Variants in PGR observed in about 807,000 individuals in gnomAD.
The protein encoded by PGR is nuclear receptor subfamily 3 group C member 3.
PGR carries 25 observed loss-of-function variants against 76.1 expected under a neutral mutation model. The observed-to-expected ratio is 0.33, with a 90% confidence interval of 0.24 to 0.46. The LOEUF (loss-of-function observed/expected upper bound fraction) is 0.46, where lower values mean the gene tolerates loss of function less well. Ranked by LOEUF, PGR falls within the 20% of genes least tolerant of loss-of-function variation. The pLI is 1.00. For missense variants in PGR, 1,172 were observed against 1,225.3 expected, an observed-to-expected ratio of 0.96 and a Z score of 0.65; for synonymous variants, 579 against 535.0, an observed-to-expected ratio of 1.08 and a Z score of -1.14.
At chr11:101,054,564 T>C (rs1224644058) in intron 4 of PGR, among the ~76,000 whole-genome samples, 1 of 152,180 alleles carries the variant, frequency 6.6e-6, no homozygotes, top group Non-Finnish European at 1.5e-5. Context: ...GTCTTAATTT[T>C]TGAAAAGGAA....
At chr11:101,049,471 T>C (rs1860015507) in intron 6 of PGR, among the ~76,000 whole-genome samples, 1 of 152,158 alleles carries the variant, frequency 6.6e-6, no homozygotes, top group African/African-American at 2.4e-5. Flanking sequence ...GGCAGCACAG[T>C]AGGTTTGTTT....
intron 3 of PGR, among the ~76,000 whole-genome samples, chr11:101,089,951 C>T (rs1270474293): frequency 6.6e-6 from 1 of 152,178 alleles, no homozygotes; most frequent in Non-Finnish European, 1.5e-5. Context: ...GTAATCCCAG[C>T]ACTTTAGAAG....
intron 6 of PGR, 61 bp downstream of exon 6, chr11:101,049,868 C>T: frequency 6.9e-7 from 1 of 1,440,700 alleles, no homozygotes; most frequent in Non-Finnish European, 9.7e-7. Context: ...ATATTGTTTG[C>T]AACTTTTCTA....
chr11:101,113,281 TC>T (rs113021873), intron 2 of PGR, among the ~76,000 whole-genome samples: 24 of 150,926 alleles, frequency 1.6e-4, no homozygotes, highest in South Asian at 2.1e-4. Context: ...TTTTTTTTTT[TC>T]CCAGAGTCTT....
At chr11:101,107,771 T>C (rs1862210569) in intron 2 of PGR, among the ~76,000 whole-genome samples, 1 of 151,388 alleles carries the variant, frequency 6.6e-6, no homozygotes, top group Non-Finnish European at 1.5e-5. Flanking sequence ...TTCAACTTCA[T>C]TATTTCTTCA....
At chr11:101,095,074 T>G (rs1861794842) in intron 2 of PGR, among the ~76,000 whole-genome samples, 1 of 152,210 alleles carries the variant, frequency 6.6e-6, no homozygotes, top group Admixed American at 6.5e-5. Flanking sequence ...AACTACCCAG[T>G]CTAAGGTATT....
At chr11:101,040,725 CT>C (rs1406037649) in intron 7 of PGR, among the ~76,000 whole-genome samples, 11 of 151,892 alleles carry the variant, frequency 7.2e-5, no homozygotes, top group African/African-American at 2.7e-4. Context: ...AATAATGTAC[CT>C]TAGTTCAATT....
chr11:101,105,538 T>G (rs1565361225), intron 2 of PGR, among the ~76,000 whole-genome samples: 1 of 150,790 alleles, frequency 6.6e-6, no homozygotes, highest in African/African-American at 2.5e-5. Context: ...AGGGACCTTT[T>G]CAAGGAGAAC....
At chr11:101,089,540 T>G (rs1330037810) in intron 3 of PGR, among the ~76,000 whole-genome samples, 1 of 152,120 alleles carries the variant, frequency 6.6e-6, no homozygotes, top group Non-Finnish European at 1.5e-5. Context: ...CCTCCCACAG[T>G]GTAAGATCTA....
intron 3 of PGR, among the ~76,000 whole-genome samples, chr11:101,076,979 A>G (rs1861151270): frequency 1.3e-5 from 1 of 79,754 alleles, no homozygotes; most frequent in African/African-American, 4.9e-5. Context: ...CCTCATAATT[A>G]CCTCTTTTCC....
intron 3 of PGR, among the ~76,000 whole-genome samples, chr11:101,077,262 A>G (rs528806563): frequency 1.3e-5 from 2 of 152,074 alleles, no homozygotes; most frequent in Non-Finnish European, 2.9e-5. Flanking sequence ...AATGATAATG[A>G]CCACTGCGCA....
intron 6 of PGR, among the ~76,000 whole-genome samples, chr11:101,047,339 G>T (rs1221885198): frequency 6.6e-6 from 1 of 152,078 alleles, no homozygotes; most frequent in Non-Finnish European, 1.5e-5. Context: ...AGTGCTATAG[G>T]ATTCATTCCT....
intron 3 of PGR, among the ~76,000 whole-genome samples, chr11:101,065,755 G>A (rs1430541135): frequency 2.0e-5 from 3 of 152,104 alleles, no homozygotes; most frequent in Non-Finnish European, 4.4e-5. Context: ...GCTGGAAGGA[G>A]GGAAGATTTG....
chr11:101,092,540 T>C (rs564403648), intron 2 of PGR, among the ~76,000 whole-genome samples: 71 of 152,284 alleles, frequency 4.7e-4, no homozygotes, highest in African/African-American at 1.6e-3. Context: ...GAGGAGAAAC[T>C]TTATAGAAGT....
In PGR at chr11:101,032,850, A is replaced by G; in HGVS notation, c.*6266T>C. ...GAAGACGGGAACACTGGTAATCTCC[A>G]CAATCTAGCAGAGTGACTGGCATAC... On this transcript the variant is annotated 3_prime_UTR_variant, in exon 8 of 8. Coordinates refer to ENST00000325455, the MANE Select transcript of PGR (RefSeq NM_000926.4). 5.3e-6 allele frequency: 1 copy of G among 188,088 alleles called. No individual in the cohort carries two copies. The highest frequency in any genetic ancestry group is 1.9e-4 in the South Asian group (1 of 5,132). 11.7% of individuals were successfully genotyped at this position (188,088 alleles called of 1,614,324 possible).
At chr11:101,056,642 GA>G (rs200810746) in intron 4 of PGR, among the ~76,000 whole-genome samples, 2,419 of 120,898 alleles carry the variant, frequency 0.02, 50 homozygotes, top group African/African-American at 0.073. Flanking sequence ...CCTATCTCAA[GA>G]AAAAAAAAAA....
intron 3 of PGR, among the ~76,000 whole-genome samples, chr11:101,075,496 T>A (rs926692789): frequency 6.6e-6 from 1 of 152,046 alleles, no homozygotes; most frequent in African/African-American, 2.4e-5. Flanking sequence ...AAAGACCTTC[T>A]GCACAGCAAA....
intron 4 of PGR, among the ~76,000 whole-genome samples, chr11:101,056,090 T>C (rs1860279073): frequency 6.6e-6 from 1 of 152,188 alleles, no homozygotes; most frequent in Non-Finnish European, 1.5e-5. Flanking sequence ...CATTACTTTA[T>C]GCTGAAACAA....
intron 4 of PGR, among the ~76,000 whole-genome samples, chr11:101,061,339 C>A (rs1387126249): frequency 6.6e-6 from 1 of 152,116 alleles, no homozygotes; most frequent in African/African-American, 2.4e-5. Context: ...TTCATCTCCA[C>A]TAGAATACTG....
Sources: allele counts gnomAD v4.1 joint callset (sites outside exome capture counted in the v4.1 genomes callset), GRCh38; gene constraint gnomAD v4.1.1; transcripts MANE v1.5; gene names NCBI Gene and HGNC (gene_info 2026-07-23, HGNC 2026-07-21).